Variants in HTATSF1 observed in about 807,000 individuals in gnomAD.
The protein encoded by HTATSF1 is HIV-1 Tat specific factor 1, also known as 17S U2 SnRNP complex component HTATSF1.
Under a neutral mutation model 46.1 loss-of-function variants are expected in HTATSF1, and 6 were observed. The ratio of observed to expected loss-of-function variants is 0.13; its 90% confidence interval spans 0.07 to 0.26. The LOEUF (loss-of-function observed/expected upper bound fraction) is 0.26. HTATSF1 is among the 10% of genes least tolerant of loss of function. The pLI is 1.00. For missense variants in HTATSF1, 452 were observed against 559.9 expected, an observed-to-expected ratio of 0.81 and a Z score of 1.94; for synonymous variants, 226 against 211.5, an observed-to-expected ratio of 1.07 and a Z score of -0.60.
At chrX:136,510,056 C>CT (rs1202876650) in intron 7 of HTATSF1, 26 bp from the exon 8 acceptor site, 9 of 1,172,103 alleles carry the variant, frequency 7.7e-6, no homozygotes, top group Non-Finnish European at 9.2e-6. Flanking sequence ...TCATTCATTC[C>CT]TTTTTTTTCT....
upstream of HTATSF1, chrX:136,497,253 A>C (rs1418209610): frequency 1.8e-5 from 2 of 111,132 alleles, no homozygotes; most frequent in African/African-American, 3.2e-5. Flanking sequence ...CCACGCGCCG[A>C]CAATGGCGGC....
Position 136,512,037 on chromosome X carries a change from A to C in HTATSF1, c.*24A>C, listed in dbSNP as rs766211116. The C allele has an allele frequency of 8.5e-7, 1 of 1,171,507 alleles. No homozygotes were observed. Among genetic ancestry groups the C allele is most frequent in the Non-Finnish European group, 1.1e-6 (1 of 875,477 alleles). On this transcript the variant is annotated 3_prime_UTR_variant, in exon 9 of 9. Transcript: ENST00000218364. ...AATCCCTTAAACTTGCTTTTTAGGG[A>C]GAGTCCTCCATCTACATTTGCCTGT...
intron 6 of HTATSF1, among the ~76,000 whole-genome samples, chrX:136,505,806 C>G (rs914188238): frequency 2.7e-5 from 3 of 111,262 alleles, no homozygotes; most frequent in African/African-American, 9.8e-5. Context: ...CAAAATAAAA[C>G]AAAACAAAGA....
At chrX:136,506,627 A>G (rs1414567935) in intron 6 of HTATSF1, among the ~76,000 whole-genome samples, 2 of 112,882 alleles carry the variant, frequency 1.8e-5, no homozygotes, top group Non-Finnish European at 3.7e-5. Flanking sequence ...TGCAAATGAA[A>G]GCAAATTTTC....
intron 1 of HTATSF1, among the ~76,000 whole-genome samples, chrX:136,498,191 T>C (rs1247688728): frequency 3.5e-5 from 4 of 112,841 alleles, no homozygotes; most frequent in Non-Finnish European, 7.5e-5. Context: ...TGTCCATTTC[T>C]GGTAGCCAAC....
At chrX:136,502,100 TG>T (rs1429431928) in intron 4 of HTATSF1, among the ~76,000 whole-genome samples, 1 of 111,430 alleles carries the variant, frequency 9.0e-6, no homozygotes, top group Non-Finnish European at 1.9e-5. Flanking sequence ...TCTTTGACTC[TG>T]TTTGTATAGG....
In HTATSF1 at chrX:136,510,793, TC is replaced by T. The variant is rs764598414; in HGVS notation, c.1063-13del. The stretch of plus-strand genomic sequence containing the variant: ...CCTGAAACTTATTTTAATGGCAGTC[TC>T]CATTTATCCACAGGTGGAGGAAACC... On this transcript the variant is annotated splice_polypyrimidine_tract_variant and intron_variant, in intron 8 of 8. Coordinates refer to ENST00000218364, the MANE Select transcript of HTATSF1 (RefSeq NM_014500.5). The T allele has an allele frequency of 8.6e-7, 1 of 1,168,876 alleles. No homozygotes were observed. Among genetic ancestry groups the T allele is most frequent in the Non-Finnish European group, 1.1e-6 (1 of 878,076 alleles).
At chrX:136,504,936 T>C (rs756468044) in intron 6 of HTATSF1, among the ~76,000 whole-genome samples, 15 of 112,410 alleles carry the variant, frequency 1.3e-4, no homozygotes, top group Middle Eastern at 9.2e-3. Context: ...ACATCTGTTA[T>C]GTATCAACTT....
intron 8 of HTATSF1, 47 bp from the exon 9 acceptor site, chrX:136,510,761 C>A (rs762775133): frequency 3.5e-6 from 4 of 1,142,342 alleles, no homozygotes; most frequent in South Asian, 2.1e-5. Flanking sequence ...AGAGAAGTAA[C>A]CTTTTGCCTG....
chrX:136,499,383 C>T (rs2075707006), intron 1 of HTATSF1, among the ~76,000 whole-genome samples: 1 of 112,369 alleles, frequency 8.9e-6, no homozygotes, highest in African/African-American at 3.2e-5. Flanking sequence ...CATTGATCAT[C>T]TAAGTACTTG....
chrX:136,511,896 G>A lies in HTATSF1; in HGVS notation c.2151G>A (p.Leu717=). The A allele has an allele frequency of 1.7e-6, 2 of 1,211,834 alleles. No individual in the cohort carries two copies. Among genetic ancestry groups the A allele is most frequent in the South Asian group, 3.5e-5 (2 of 56,991 alleles). Residue 717 remains leucine (L), a synonymous_variant, in exon 9 of 9, where the codon TTG becomes TTA. Transcript: ENST00000218364. The part of the protein sequence containing the change: ...FDEEEDSSEK[L]FDDSDERGTL... Reference sequence around the variant, plus strand: ...AGGAGGAAGATTCCAGTGAGAAGTTGTTTGACGATTCTGATGAGAGGGGGA... The same window carrying A: ...AGGAGGAAGATTCCAGTGAGAAGTTATTTGACGATTCTGATGAGAGGGGGA...
At chrX:136,506,994 T>C (rs756282594) in intron 6 of HTATSF1, among the ~76,000 whole-genome samples, 2 of 112,596 alleles carry the variant, frequency 1.8e-5, no homozygotes, top group Non-Finnish European at 3.8e-5. Context: ...TACAACATTT[T>C]CATTATCACA....
At chrX:136,500,905 C>G (rs1603306032) in intron 4 of HTATSF1, 87 bp downstream of exon 4, 1 of 615,220 alleles carries the variant, frequency 1.6e-6, no homozygotes, top group African/African-American at 2.3e-5. Flanking sequence ...ATAACCAACA[C>G]CAAGAACTGT....
chrX:136,510,370 C>G, intron 8 of HTATSF1, 151 bp downstream of exon 8: 1 of 359,988 alleles, frequency 2.8e-6, no homozygotes, highest in East Asian at 5.1e-5. Context: ...ATTTTTTACT[C>G]TTCCTCTTAA....
intron 6 of HTATSF1, among the ~76,000 whole-genome samples, chrX:136,506,925 G>T (rs1308116330): frequency 3.6e-5 from 4 of 112,617 alleles, no homozygotes; most frequent in African/African-American, 1.3e-4. Flanking sequence ...ATAAAATTCA[G>T]TTCATCGCTT....
In HTATSF1 at chrX:136,511,099, A is replaced by G. The variant is rs2075765162; in HGVS notation, c.1354A>G (p.Ser452Gly). 8.3e-7 allele frequency: 1 copy of G among 1,211,493 alleles called. No homozygotes were observed. Among genetic ancestry groups the G allele is most frequent in the Non-Finnish European group, 1.1e-6 (1 of 895,406 alleles). Reference sequence around the variant, plus strand: ...TGCTTCTGAAAACAATGCTAAGGAAAGTAGCCCCGAAAAAGAGGCTGAAGA... The same window carrying G: ...TGCTTCTGAAAACAATGCTAAGGAAGGTAGCCCCGAAAAAGAGGCTGAAGA... ...EGASENNAKE[S>G]SPEKEAEEGC... Residue 452 changes from serine (S) to glycine (G), a missense_variant, in exon 9 of 9, where the codon AGT (serine) becomes GGT (glycine). By Grantham distance (56) the Ser-to-Gly change is moderately conservative (BLOSUM62 0). Transcript: ENST00000218364.
chrX:136,497,786 C>T lies in HTATSF1; in HGVS notation c.102C>T (p.Ala34=), dbSNP rs750116605. Residue 34 remains alanine, a synonymous_variant, in exon 1 of 9, where the codon GCC becomes GCT. Transcript: ENST00000218364. The part of the protein sequence containing the change: ...DGKDGDTQTD[A]GGEPDSLGQQ... ...AGGATGGTGACACCCAGACCGATGC[C>T]GGCGGAGAACCCGATTCTCTCGGGC... is the stretch of plus-strand genomic sequence containing the variant. 4 of 1,203,309 alleles carry T rather than the reference C, an allele frequency of 3.3e-6. No individual in the cohort carries two copies. The highest frequency in any genetic ancestry group is 6.0e-5 in the East Asian group (2 of 33,485).
chrX:136,510,028 G>A, intron 7 of HTATSF1, 54 bp from the exon 8 acceptor site: 1 of 1,108,439 alleles, frequency 9.0e-7, no homozygotes, highest in South Asian at 2.0e-5. Flanking sequence ...AAATGTATGT[G>A]TTTTATTTTT....
At chrX:136,504,299 C>A in intron 5 of HTATSF1, 65 bp from the exon 6 acceptor site, 1 of 773,310 alleles carries the variant, frequency 1.3e-6, no homozygotes, top group Non-Finnish European at 2.0e-6. Flanking sequence ...ACAACTCATT[C>A]TTTTCTCTCT....
Sources: gnomAD v4.1 joint callset for allele counts (sites outside exome capture counted in the v4.1 genomes callset) on GRCh38, gnomAD v4.1.1 for gene constraint, MANE v1.5 for transcripts, NCBI Gene and HGNC (gene_info 2026-07-23, HGNC 2026-07-21) for gene names.